Variants in DSE observed in about 807,000 individuals in gnomAD.
DSE encodes the protein dermatan sulfate epimerase, also known as dermatan-sulfate epimerase.
A neutral mutation model predicts 84.4 loss-of-function variants in DSE; 36 were observed. That is an observed-to-expected ratio of 0.43 (90% CI 0.33 to 0.56). The LOEUF is 0.56. Ranked by LOEUF, DSE falls within the 20% of genes least tolerant of loss-of-function variation. DSE has a pLI of 0.06. For missense variants in DSE, 862 were observed against 1,169.6 expected (o/e 0.74, Z 3.84); for synonymous variants, 410 against 430.1 (o/e 0.95, Z 0.58).
intron 2 of DSE, among the ~76,000 whole-genome samples, chr6:116,315,811 C>A (rs1407635152): frequency 6.6e-6 from 1 of 152,098 alleles, no homozygotes. Flanking sequence ...ACCAGCCTGA[C>A]CAACATGGTG....
intron 2 of DSE, among the ~76,000 whole-genome samples, chr6:116,342,865 C>T (rs112942474): frequency 0.05 from 7,590 of 152,134 alleles, 613 homozygotes; most frequent in African/African-American, 0.17. Flanking sequence ...ACCTGGGAAG[C>T]GCAAGGGGTC....
chr6:116,272,480 G>C (rs927002987), intron 2 of DSE, among the ~76,000 whole-genome samples: 8 of 152,162 alleles, frequency 5.3e-5, no homozygotes, highest in Non-Finnish European at 1.2e-4. Context: ...TTGAATTCAG[G>C]TTAATTCCAT....
intron 1 of DSE, among the ~76,000 whole-genome samples, chr6:116,388,339 G>A (rs1226209681): frequency 6.6e-6 from 1 of 152,084 alleles, no homozygotes; most frequent in Non-Finnish European, 1.5e-5. Context: ...CTCTCTTTTT[G>A]TTCTGTTTGG....
chr6:116,277,446 C>T (rs1317102762), intron 2 of DSE: 1 of 152,574 alleles, frequency 6.6e-6, no homozygotes, highest in Non-Finnish European at 1.5e-5. Flanking sequence ...GCTTAGGGCA[C>T]CTTTCATCCC....
intron 2 of DSE, among the ~76,000 whole-genome samples, chr6:116,271,654 A>G (rs1044314215): frequency 6.6e-6 from 1 of 152,204 alleles, no homozygotes; most frequent in African/African-American, 2.4e-5. Context: ...AAGTTTTTAA[A>G]AAGGAATTTC....
At chr6:116,339,548 GT>G (rs1467910856) in intron 2 of DSE, among the ~76,000 whole-genome samples, 1 of 152,140 alleles carries the variant, frequency 6.6e-6, no homozygotes, top group Non-Finnish European at 1.5e-5. Context: ...TGACTACTAT[GT>G]TTTGAATGAA....
chr6:116,378,287 T>C (rs1396437877), intron 1 of DSE, among the ~76,000 whole-genome samples: 1 of 152,210 alleles, frequency 6.6e-6, no homozygotes, highest in Non-Finnish European at 1.5e-5. Context: ...AAGGTTTAAA[T>C]GGGGTTGCCT....
At chr6:116,421,463 A>ATATATATATATTTTTTTTT (rs1357496121) in intron 2 of DSE, among the ~76,000 whole-genome samples, 1 of 61,346 alleles carries the variant, frequency 1.6e-5, no homozygotes, top group Non-Finnish European at 2.7e-5. Flanking sequence ...ATATATATAT[A>ATATATATATATTTTTTTTT]TTTTTTTTTT....
At chr6:116,280,027 C>A in intron 2 of DSE, 2 of 720,318 alleles carry the variant, frequency 2.8e-6, no homozygotes, top group Non-Finnish European at 4.9e-6. Flanking sequence ...TGCCAGCCAA[C>A]CGGATTCTCT....
In DSE at chr6:116,437,236, TCCAGAGGGC is replaced by T. The variant is rs1784236791; in HGVS notation, c.2775_2783del (p.Arg925_Gln927del). On this transcript the variant is annotated inframe_deletion, in exon 6 of 6. Coordinates refer to ENST00000644252, the MANE Select transcript of DSE (RefSeq NM_013352.4). Reference sequence around the variant, plus strand: ...ATGTTGGCAATGCAACTGACTTATTTCCAGAGGGCCCAGAGCCTACATGGCCAAAGATGT... The same window carrying T: ...ATGTTGGCAATGCAACTGACTTATTTCCAGAGCCTACATGGCCAAAGATGT... 6.2e-7 allele frequency: 1 copy of T among 1,614,110 alleles called. No homozygotes were observed. Among genetic ancestry groups the T allele is most frequent in the East Asian group, 2.2e-5 (1 of 44,886 alleles).
chr6:116,385,084 G>A (rs1400975754), intron 1 of DSE, among the ~76,000 whole-genome samples: 2 of 152,114 alleles, frequency 1.3e-5, no homozygotes, highest in African/African-American at 4.8e-5. Context: ...TGGGGCAGAG[G>A]GAACAAATGT....
chr6:116,427,389 C>T (rs1369267709), intron 3 of DSE, among the ~76,000 whole-genome samples: 1 of 152,136 alleles, frequency 6.6e-6, no homozygotes, highest in African/African-American at 2.4e-5. Flanking sequence ...ATTACAACTT[C>T]TGTAGAAATC....
At position 116,399,281 on chromosome 6, in the gene DSE, G is replaced by A. The variant is rs1184738326; in HGVS notation, c.31G>A (p.Val11Met). ...GACTCACACACGGGGGGCTCCCAGT[G>A]TGTTTTTCATATATTTGCTTTGCTT... is the stretch of plus-strand genomic sequence containing the variant. MRTHTRGAPS[V>M]FFIYLLCFVS... The change falls in exon 2 of 6, where the codon GTG becomes ATG. Residue 11 changes from valine (V) to methionine (M), a missense_variant. Val to Met is a conservative substitution (Grantham distance 21). Coordinates refer to ENST00000644252, the MANE Select transcript of DSE (RefSeq NM_013352.4). 2.5e-6 allele frequency: 4 copies of A among 1,613,886 alleles called. No individual in the cohort carries two copies. The East Asian group carries it at 6.7e-5, about 27-fold the overall frequency.
chr6:116,370,831 T>G, upstream of DSE: 2 of 985,602 alleles, frequency 2.0e-6, no homozygotes, highest in South Asian at 4.7e-5. Flanking sequence ...CCTCGTCTCC[T>G]CTGGCTCTGG....
intron 3 of DSE, among the ~76,000 whole-genome samples, chr6:116,427,728 T>G (rs763060752): frequency 1.3e-5 from 2 of 152,254 alleles, no homozygotes; most frequent in Non-Finnish European, 2.9e-5. Context: ...AGCTGGGATT[T>G]GGACCCACTT....
At chr6:116,270,312 G>A (rs1772825028) in intron 2 of DSE, among the ~76,000 whole-genome samples, 1 of 152,120 alleles carries the variant, frequency 6.6e-6, no homozygotes, top group Admixed American at 6.6e-5. Context: ...AACAACAAGA[G>A]CATGTTGTAC....
intron 1 of DSE, among the ~76,000 whole-genome samples, chr6:116,377,144 C>T (rs1045370745): frequency 6.6e-6 from 1 of 152,106 alleles, no homozygotes; most frequent in African/African-American, 2.4e-5. Context: ...TTGAAATATT[C>T]GTAGAGTTTT....
upstream of DSE, chr6:116,370,264 T>C (rs1282837110): frequency 8.3e-6 from 2 of 241,542 alleles, no homozygotes; most frequent in Non-Finnish European, 1.6e-5. Context: ...ATTAAATGCT[T>C]TGCTCCTGAC....
chr6:116,311,330 G>T (rs1360227902), intron 2 of DSE, among the ~76,000 whole-genome samples: 1 of 152,176 alleles, frequency 6.6e-6, no homozygotes, highest in Non-Finnish European at 1.5e-5. Flanking sequence ...GCAGGAAGAT[G>T]AACCACCTAT....
Sources: allele counts gnomAD v4.1 joint callset (sites outside exome capture counted in the v4.1 genomes callset), GRCh38; gene constraint gnomAD v4.1.1; transcripts MANE v1.5; gene names NCBI Gene and HGNC (gene_info 2026-07-23, HGNC 2026-07-21).